Variants in RAB10 observed in about 807,000 individuals in gnomAD.
RAB10 encodes RAB10, member RAS oncogene family, also known as ras-related protein Rab-10.
RAB10 carries 5 observed loss-of-function variants against 25.7 expected under a neutral mutation model. The ratio of observed to expected loss-of-function variants is 0.19; its 90% CI spans 0.10 to 0.41. RAB10 has a LOEUF of 0.41. RAB10 is among the 10% of genes least tolerant of loss of function. The pLI is 1.00. For missense variants in RAB10, 103 were observed against 245.8 expected (o/e 0.42, Z 3.89); for synonymous variants, 89 against 86.4 (o/e 1.03, Z -0.16).
At chr2:26,062,699 T>TAAAG (rs1666429967) in intron 1 of RAB10, among the ~76,000 whole-genome samples, 1 of 150,412 alleles carries the variant, frequency 6.6e-6, no homozygotes, top group Admixed American at 6.6e-5. Context: ...AATAAATAAA[T>TAAAG]AAATAAAGGA....
intron 1 of RAB10, among the ~76,000 whole-genome samples, chr2:26,037,148 A>G (rs4665811): frequency 0.77 from 117,189 of 152,096 alleles, 45,193 homozygotes; most frequent in East Asian, 0.87. Context: ...GTCTACTCCA[A>G]TCTTTTTGTA....
chr2:26,064,149 A>G (rs1456126881), intron 1 of RAB10, among the ~76,000 whole-genome samples: 2 of 152,300 alleles, frequency 1.3e-5, no homozygotes, highest in Non-Finnish European at 2.9e-5. Flanking sequence ...TTGGTAGGAT[A>G]TAGCCTGCCA....
At chr2:26,124,093 TTTCTC>T (rs1667856784) in intron 3 of RAB10, among the ~76,000 whole-genome samples, 1 of 152,160 alleles carries the variant, frequency 6.6e-6, no homozygotes, top group African/African-American at 2.4e-5. Context: ...AACATTTTCT[TTTCTC>T]TAACTTTATG....
chr2:26,085,151 G>A (rs1054978994), intron 1 of RAB10, among the ~76,000 whole-genome samples: 41 of 152,126 alleles, frequency 2.7e-4, no homozygotes, highest in Non-Finnish European at 3.5e-4. Flanking sequence ...TAAAATAATT[G>A]GACTTCATCA....
chr2:26,107,022 G>A (rs1269233041), intron 2 of RAB10, among the ~76,000 whole-genome samples: 1 of 152,098 alleles, frequency 6.6e-6, no homozygotes, highest in Non-Finnish European at 1.5e-5. Flanking sequence ...GAGGCGGGCA[G>A]ATCATCTGAG....
chr2:26,130,127 C>T (rs1383467686), intron 5 of RAB10, among the ~76,000 whole-genome samples: 1 of 152,026 alleles, frequency 6.6e-6, no homozygotes, highest in African/African-American at 2.4e-5. Flanking sequence ...ATTTCAACAG[C>T]TTTCTTTTTT....
At chr2:26,039,963 A>G (rs1028913406) in intron 1 of RAB10, among the ~76,000 whole-genome samples, 1 of 152,162 alleles carries the variant, frequency 6.6e-6, no homozygotes, top group Non-Finnish European at 1.5e-5. Context: ...ATATTATGTA[A>G]TGAAAAAATA....
chr2:26,074,503 C>A (rs1297227947), intron 1 of RAB10, among the ~76,000 whole-genome samples: 2 of 152,236 alleles, frequency 1.3e-5, no homozygotes, highest in Non-Finnish European at 2.9e-5. Flanking sequence ...ACTGCAACCT[C>A]TGCCTTCTGC....
At chr2:26,131,633 T>G (rs1668014989) in intron 5 of RAB10, among the ~76,000 whole-genome samples, 1 of 152,214 alleles carries the variant, frequency 6.6e-6, no homozygotes, top group Admixed American at 6.5e-5. Flanking sequence ...CTTGTTCCCT[T>G]TAATTCCCTC....
chr2:26,055,331 C>T (rs1330452187), intron 1 of RAB10, among the ~76,000 whole-genome samples: 1 of 151,222 alleles, frequency 6.6e-6, no homozygotes, highest in Non-Finnish European at 1.5e-5. Context: ...TTTTAAGTCA[C>T]TATTTTTGTT....
intron 3 of RAB10, among the ~76,000 whole-genome samples, chr2:26,117,202 G>A (rs1667708463): frequency 1.3e-5 from 2 of 152,106 alleles, no homozygotes; most frequent in South Asian, 4.1e-4. Flanking sequence ...TTATATGAAG[G>A]TTTTGAAACT....
chr2:26,057,459 A>G (rs1666293722), intron 1 of RAB10, among the ~76,000 whole-genome samples: 1 of 152,086 alleles, frequency 6.6e-6, no homozygotes, highest in African/African-American at 2.4e-5. Flanking sequence ...TTAAAAAATA[A>G]AAACTATAAG....
intron 3 of RAB10, among the ~76,000 whole-genome samples, chr2:26,113,224 A>C (rs1166187103): frequency 6.6e-6 from 1 of 152,154 alleles, no homozygotes; most frequent in Admixed American, 6.6e-5. Flanking sequence ...AAAACCATAC[A>C]GTTATCTCAG....
intron 1 of RAB10, among the ~76,000 whole-genome samples, chr2:26,047,699 G>A (rs1179884949): frequency 6.1e-5 from 9 of 148,330 alleles, no homozygotes; most frequent in Non-Finnish European, 1.3e-4. Context: ...TGGGATTACA[G>A]GTGTGAGCCA....
At chr2:26,061,853 C>T (rs1019193292) in intron 1 of RAB10, among the ~76,000 whole-genome samples, 9 of 146,126 alleles carry the variant, frequency 6.2e-5, no homozygotes, top group African/African-American at 2.3e-4. Flanking sequence ...ACCTCCTGGG[C>T]TCAAGTGCTC....
At chr2:26,109,992 G>T (rs1265683246) in intron 3 of RAB10, 86 bp downstream of exon 3, 1 of 1,326,034 alleles carries the variant, frequency 7.5e-7, no homozygotes, top group Admixed American at 2.7e-5. Context: ...CTGATCTTCA[G>T]GATATAATGT....
Position 26,096,732 on chromosome 2 carries a change from A to G in RAB10, c.128-1930A>G, listed in dbSNP as rs187081650. Among the ~76,000 whole-genome samples the G allele has an allele frequency of 2.6e-3, 402 of 152,344 alleles. 2 individuals are homozygous for G. Among genetic ancestry groups the G allele is most frequent in the Non-Finnish European group, 3.9e-3 (265 of 68,030 alleles). ...CCTAATGTGAACTATGAATACTAAT[A>G]TAATACTATGAATTTCTCTCTGAAA... On this transcript the variant is annotated intron_variant, in intron 1 of 5. Transcript: ENST00000264710.
intron 1 of RAB10, among the ~76,000 whole-genome samples, chr2:26,035,198 A>T (rs1665739996): frequency 6.6e-6 from 1 of 152,194 alleles, no homozygotes; most frequent in South Asian, 2.1e-4. Flanking sequence ...GGTTTCTGAG[A>T]AGAATAATTA....
chr2:26,033,947 A>C (rs538907370), upstream of RAB10, among the ~76,000 whole-genome samples: 1 of 152,316 alleles, frequency 6.6e-6, no homozygotes, highest in South Asian at 2.1e-4. Flanking sequence ...CTCTGGGTCC[A>C]GCCTCAGACT....
Sources: allele counts gnomAD v4.1 joint callset (sites outside exome capture counted in the v4.1 genomes callset), GRCh38; gene constraint gnomAD v4.1.1; transcripts MANE v1.5; gene names NCBI Gene and HGNC (gene_info 2026-07-23, HGNC 2026-07-21).